The following SDK1 variants were observed in gnomAD, a reference collection of about 807,000 sequenced individuals.
SDK1 encodes the protein protein sidekick-1.
In SDK1, 157 loss-of-function variants were observed where a neutral mutation model predicts 245.5. The ratio of observed to expected loss-of-function variants is 0.64; its 90% CI spans 0.56 to 0.73. SDK1 has a LOEUF of 0.73. SDK1 is among the 30% of genes least tolerant of loss of function. The probability of loss-of-function intolerance (pLI) is 0.00; values close to 1 mark genes in which losing one functional copy is unlikely to be tolerated. For missense variants in SDK1, 3,583 were observed against 3,002.3 expected, an observed-to-expected ratio of 1.19 and a Z score of -4.52; for synonymous variants, 1,647 against 1,278.5, an observed-to-expected ratio of 1.29 and a Z score of -6.15.
In SDK1 at chr7:4,265,158, A is replaced by G; in HGVS notation, c.6416A>G (p.Lys2139Arg). The G allele has an allele frequency of 5.6e-6, 9 of 1,612,542 alleles. No homozygotes were observed. The highest frequency in any genetic ancestry group is 7.6e-6 in the Non-Finnish European group (9 of 1,179,646). ...TDSDYEDALP[K>R]HSFVNHYMSD... is the part of the protein sequence containing the mutation. Reference sequence around the variant, plus strand: ...TCTGACTACGAGGACGCGCTGCCCAAGCACTCCTTCGTGAACCACTACATG... The same window carrying G: ...TCTGACTACGAGGACGCGCTGCCCAGGCACTCCTTCGTGAACCACTACATG... The change falls in exon 45 of 45, where the codon AAG becomes AGG. Residue 2139 changes from lysine (K) to arginine (R), a missense_variant. Lys to Arg is a conservative substitution (Grantham distance 26). Transcript: ENST00000404826.
chr7:3,599,140 C>A (rs1286838531), intron 1 of SDK1, among the ~76,000 whole-genome samples: 2 of 125,174 alleles, frequency 1.6e-5, no homozygotes, highest in African/African-American at 6.0e-5. Context: ...ATCTGGCGTT[C>A]TCGCTGTTTT....
At chr7:4,073,914 C>A (rs1379011829) in intron 20 of SDK1, among the ~76,000 whole-genome samples, 1 of 152,148 alleles carries the variant, frequency 6.6e-6, no homozygotes, top group East Asian at 1.9e-4. Context: ...GCGATTTATC[C>A]CCTAGTGCTC....
intron 1 of SDK1, among the ~76,000 whole-genome samples, chr7:3,334,468 G>C (rs894530317): frequency 2.6e-5 from 4 of 152,052 alleles, no homozygotes; most frequent in African/African-American, 9.7e-5. Flanking sequence ...TAGCCCCGTA[G>C]AGAGTGTGAG....
intron 1 of SDK1, among the ~76,000 whole-genome samples, chr7:3,466,623 A>C (rs1187950149): frequency 6.6e-6 from 1 of 151,288 alleles, no homozygotes; most frequent in Non-Finnish European, 1.5e-5. Flanking sequence ...TTCCATATCC[A>C]TGTTTCATGT....
At chr7:4,052,483 A>G (rs1778932282) in intron 19 of SDK1, among the ~76,000 whole-genome samples, 1 of 152,196 alleles carries the variant, frequency 6.6e-6, no homozygotes, top group Admixed American at 6.5e-5. Flanking sequence ...AAAGTATAGA[A>G]TGACAACATA....
At chr7:4,085,091 C>T (rs1422498026) in intron 22 of SDK1, among the ~76,000 whole-genome samples, 1 of 152,098 alleles carries the variant, frequency 6.6e-6, no homozygotes, top group Non-Finnish European at 1.5e-5. Flanking sequence ...ATATATTTTC[C>T]CTTACTCTAA....
chr7:4,265,212 A>AGCGCAGG lies in SDK1; in HGVS notation c.6473_6479dup (p.Arg2163ProfsTer94). On this transcript the variant is annotated frameshift_variant, in exon 45 of 45. Coordinates refer to ENST00000404826, the MANE Select transcript of SDK1 (RefSeq NM_152744.4). LOFTEE classifies it low-confidence loss of function (END_TRUNC). ...GACCCCACCTACTACAACTCATGGAAGCGCAGGGCCCAGGGCCGCGCACCT... is the reference window on the plus strand; with the variant it reads ...GACCCCACCTACTACAACTCATGGAAGCGCAGGGCGCAGGGCCCAGGGCCGCGCACCT... The AGCGCAGG allele has an allele frequency of 1.2e-6, 2 of 1,610,930 alleles. No individual in the cohort carries two copies. Among genetic ancestry groups the AGCGCAGG allele is most frequent in the Non-Finnish European group, 1.7e-6 (2 of 1,179,568 alleles).
chr7:3,335,363 C>T (rs548389479), intron 1 of SDK1, among the ~76,000 whole-genome samples: 2 of 152,032 alleles, frequency 1.3e-5, no homozygotes, highest in Admixed American at 1.3e-4. Context: ...TGATTGTTCT[C>T]TATTTAAAAC....
chr7:3,714,844 G>A (rs1033486594), intron 4 of SDK1, among the ~76,000 whole-genome samples: 5 of 152,126 alleles, frequency 3.3e-5, no homozygotes, highest in Admixed American at 1.3e-4. Flanking sequence ...GCTTGGAGAG[G>A]TTCTAATTAA....
chr7:3,674,482 C>T (rs1783826418), intron 4 of SDK1, among the ~76,000 whole-genome samples: 1 of 152,034 alleles, frequency 6.6e-6, no homozygotes, highest in African/African-American at 2.4e-5. Context: ...TTTGCTGAGG[C>T]TGGTCTTTGA....
At chr7:4,013,706 G>A (rs1434169353) in intron 16 of SDK1, among the ~76,000 whole-genome samples, 3 of 152,174 alleles carry the variant, frequency 2.0e-5, no homozygotes, top group East Asian at 3.9e-4. Flanking sequence ...TTCCTCCAGC[G>A]TCGGGATTCT....
intron 1 of SDK1, among the ~76,000 whole-genome samples, chr7:3,426,151 C>T (rs1057177543): frequency 3.9e-5 from 6 of 152,104 alleles, no homozygotes; most frequent in South Asian, 2.1e-4. Context: ...CAGTTGATTC[C>T]GTGTTTTTTG....
Position 4,088,394 on chromosome 7 carries a change from A to G in SDK1, c.3324+8810A>G, listed in dbSNP as rs370853173. ...TCTTCTATCATATCGAATTGGGACA[A>G]TGATAGAAGACAATCTTTGTTTTGT... On this transcript the variant is annotated intron_variant, in intron 22 of 44. Transcript: ENST00000404826. Among the ~76,000 whole-genome samples, 11 of 152,332 alleles carry G rather than the reference A, an allele frequency of 7.2e-5. 1 individual carries two copies. The highest frequency in any genetic ancestry group is 5.8e-4 in the East Asian group (3 of 5,188).
Position 3,540,045 on chromosome 7 carries a change from A to G in SDK1, c.299-79035A>G, listed in dbSNP as rs1209432516. Among the ~76,000 whole-genome samples the G allele has an allele frequency of 2.0e-5, 3 of 152,224 alleles. 1 individual carries two copies. The highest frequency in any genetic ancestry group is 7.2e-5 in the African/African-American group (3 of 41,454). On this transcript the variant is annotated intron_variant, in intron 1 of 44. Transcript: ENST00000404826. ...TTTCAAATTTATGATATTTTGAGTC[A>G]CAAAAAAAACACATATGTGGATCAC...
chr7:3,476,837 A>T (rs533639494), intron 1 of SDK1, among the ~76,000 whole-genome samples: 9 of 152,266 alleles, frequency 5.9e-5, no homozygotes, highest in African/African-American at 2.2e-4. Flanking sequence ...TAATCTAACT[A>T]GCGGGTGGTA....
intron 44 of SDK1, 29 bp from the exon 45 acceptor site, chr7:4,265,083 GCCCTGCCCTGCA>G (rs764248982): frequency 1.2e-5 from 19 of 1,591,790 alleles, no homozygotes; most frequent in Non-Finnish European, 1.6e-5. Flanking sequence ...CGGGCCCTGC[GCCCTGCCCTGCA>G]CTCACACCTT....
chr7:3,311,213 G>T (rs10254358), intron 1 of SDK1, among the ~76,000 whole-genome samples: 4 of 152,070 alleles, frequency 2.6e-5, no homozygotes, highest in African/African-American at 9.7e-5. Flanking sequence ...TGATGGAGAT[G>T]AGTTAGGGAA....
intron 4 of SDK1, among the ~76,000 whole-genome samples, chr7:3,670,495 C>T (rs956191399): frequency 1.3e-5 from 2 of 152,204 alleles, no homozygotes; most frequent in Non-Finnish European, 2.9e-5. Context: ...TGAACCTATG[C>T]ATCAGTGTTC....
At chr7:4,261,897 C>T (rs941756622) in intron 44 of SDK1, among the ~76,000 whole-genome samples, 11 of 151,606 alleles carry the variant, frequency 7.3e-5, no homozygotes, top group Admixed American at 2.6e-4. Flanking sequence ...GCTGTTAGGA[C>T]GCACAGGTGA....
Sources: gnomAD v4.1 joint callset for allele counts (sites outside exome capture counted in the v4.1 genomes callset) on GRCh38, gnomAD v4.1.1 for gene constraint, MANE v1.5 for transcripts, NCBI Gene and HGNC (gene_info 2026-07-23, HGNC 2026-07-21) for gene names.